ADGRL2: variants seen among roughly 807,000 people sequenced by gnomAD.
The protein encoded by ADGRL2 is adhesion G protein-coupled receptor L2.
A neutral mutation model predicts 157.4 loss-of-function variants in ADGRL2; 44 were observed. That is an observed-to-expected ratio of 0.28 (90% CI 0.22 to 0.36). The LOEUF is 0.36. Among genes scored for constraint, ADGRL2 ranks in the 10% least tolerant of loss-of-function variants. ADGRL2 has a pLI of 1.00. For missense variants in ADGRL2, 1,510 were observed against 1,768.9 expected, an observed-to-expected ratio of 0.85 and a Z score of 2.63; for synonymous variants, 585 against 624.7, an observed-to-expected ratio of 0.94 and a Z score of 0.95.
chr1:81,391,417 G>T (rs1431704177), intron 1 of ADGRL2, among the ~76,000 whole-genome samples: 1 of 152,306 alleles, frequency 6.6e-6, no homozygotes, highest in African/African-American at 2.4e-5. Flanking sequence ...ACCAATGTAT[G>T]CAGTGCTTCT....
chr1:81,862,182 T>C (rs527443629), intron 2 of ADGRL2, among the ~76,000 whole-genome samples: 1 of 152,226 alleles, frequency 6.6e-6, no homozygotes, highest in Admixed American at 6.5e-5. Context: ...TGTTAGTTAT[T>C]AAGGAATTTA....
rs187681133 is a variant in ADGRL2, at chr1:81,418,942, T to C, written c.-301-26094T>C. Among the ~76,000 whole-genome samples, 878 of 152,260 alleles carry C rather than the reference T, an allele frequency of 5.8e-3. 5 individuals are homozygous for C. The highest frequency in any genetic ancestry group is 9.3e-3 in the Non-Finnish European group (634 of 68,020). ...TTTGACACAATTCTCTATACTGAGG[T>C]ATCCATTTCCTCACTGGAGTTCAGA... On this transcript the variant is annotated intron_variant, in intron 1 of 24. Coordinates refer to the ADGRL2 transcript ENST00000370721.
At chr1:81,584,539 A>G (rs1468690172) in intron 3 of ADGRL2, among the ~76,000 whole-genome samples, 2 of 152,126 alleles carry the variant, frequency 1.3e-5, no homozygotes, top group Non-Finnish European at 2.9e-5. Context: ...CTACATCCGA[A>G]TTGTTTTTGT....
intron 1 of ADGRL2, among the ~76,000 whole-genome samples, chr1:81,384,578 G>A (rs544945615): frequency 1.3e-5 from 2 of 152,166 alleles, no homozygotes; most frequent in African/African-American, 4.8e-5. Context: ...TTTGAATTGC[G>A]TAAAATAACA....
intron 2 of ADGRL2, among the ~76,000 whole-genome samples, chr1:81,851,594 A>G (rs949443117): frequency 4.0e-5 from 6 of 151,794 alleles, no homozygotes; most frequent in Non-Finnish European, 2.9e-5. Context: ...ACACCTGAAA[A>G]TATATTACTT....
chr1:81,850,423 A>G (rs1203281535), intron 2 of ADGRL2, among the ~76,000 whole-genome samples: 1 of 151,912 alleles, frequency 6.6e-6, no homozygotes. Context: ...CCTTTAAGCT[A>G]GTCAATTCTA....
chr1:81,430,272 A>T (rs1057229195), intron 1 of ADGRL2, among the ~76,000 whole-genome samples: 7 of 152,234 alleles, frequency 4.6e-5, no homozygotes, highest in African/African-American at 1.7e-4. Context: ...GTGCTTGATG[A>T]AAAATAAAGC....
chr1:81,807,962 TA>T (rs1262875158), intron 1 of ADGRL2, among the ~76,000 whole-genome samples: 2 of 151,926 alleles, frequency 1.3e-5, no homozygotes, highest in South Asian at 4.1e-4. Context: ...TTATTATTAT[TA>T]TTTTTTTACA....
intron 2 of ADGRL2, among the ~76,000 whole-genome samples, chr1:81,780,594 GTTATCTTCCGT>G (rs2086771789): frequency 6.6e-6 from 1 of 152,096 alleles, no homozygotes; most frequent in South Asian, 2.1e-4. Flanking sequence ...ATCCCAATAT[GTTATCTTCCGT>G]TAATAGCGCA....
intron 2 of ADGRL2, among the ~76,000 whole-genome samples, chr1:81,869,420 T>C (rs1269446724): frequency 6.6e-6 from 1 of 152,122 alleles, no homozygotes; most frequent in African/African-American, 2.4e-5. Context: ...GATCAGTTTA[T>C]TTTCTTAATG....
intron 1 of ADGRL2, among the ~76,000 whole-genome samples, chr1:81,367,165 A>G (rs192137250): frequency 1.1e-3 from 160 of 152,058 alleles, no homozygotes; most frequent in African/African-American, 3.7e-3. Context: ...GTTTCTATGT[A>G]CTTGGACAAG....
intron 3 of ADGRL2, among the ~76,000 whole-genome samples, chr1:81,641,420 G>T (rs1245009873): frequency 6.6e-6 from 1 of 152,046 alleles, no homozygotes; most frequent in African/African-American, 2.4e-5. Flanking sequence ...ACCACATTCT[G>T]GGTCATAAAA....
At chr1:81,367,367 C>G (rs1256285830) in intron 1 of ADGRL2, among the ~76,000 whole-genome samples, 2 of 152,140 alleles carry the variant, frequency 1.3e-5, no homozygotes, top group African/African-American at 2.4e-5. Context: ...CTGATGCTCT[C>G]CCTTCTCCTG....
At chr1:81,373,690 T>C (rs1317594045) in intron 1 of ADGRL2, among the ~76,000 whole-genome samples, 1 of 152,168 alleles carries the variant, frequency 6.6e-6, no homozygotes, top group Non-Finnish European at 1.5e-5. Context: ...TGAATGAATA[T>C]ACAGAAGTCA....
At chr1:81,766,830 C>CAAAAAAAAAA (rs71592740) in intron 2 of ADGRL2, among the ~76,000 whole-genome samples, 4 of 81,098 alleles carry the variant, frequency 4.9e-5, no homozygotes, top group Non-Finnish European at 9.5e-5. Flanking sequence ...AACTCCGTCT[C>CAAAAAAAAAA]AAAAAAAAAA....
At chr1:81,743,454 A>AT (rs534239258) in intron 1 of ADGRL2, among the ~76,000 whole-genome samples, 31 of 149,008 alleles carry the variant, frequency 2.1e-4, no homozygotes, top group African/African-American at 3.7e-4. Flanking sequence ...TATAGTTCAC[A>AT]TTTTTTTTCT....
At chr1:81,466,422 C>T (rs2078054451) in intron 2 of ADGRL2, among the ~76,000 whole-genome samples, 2 of 152,138 alleles carry the variant, frequency 1.3e-5, no homozygotes, top group African/African-American at 4.8e-5. Context: ...AATTTGAGGT[C>T]TCATAATGCC....
chr1:81,306,874 C>CA (rs540267592), intron 1 of ADGRL2, among the ~76,000 whole-genome samples: 1,387 of 98,586 alleles, frequency 0.014, 24 homozygotes, highest in African/African-American at 0.054. Context: ...TCAACCGTAA[C>CA]AAATTTTTTT....
At chr1:81,552,958 T>C (rs1048773868) in intron 2 of ADGRL2, among the ~76,000 whole-genome samples, 21 of 152,184 alleles carry the variant, frequency 1.4e-4, no homozygotes, top group African/African-American at 4.6e-4. Context: ...AAGACTTACA[T>C]TTCAATTGTT....
Sources: allele counts gnomAD v4.1 joint callset (sites outside exome capture counted in the v4.1 genomes callset), GRCh38; gene constraint gnomAD v4.1.1; transcripts MANE v1.5; gene names NCBI Gene and HGNC (gene_info 2026-07-23, HGNC 2026-07-21).